SKAP1: variants seen among roughly 807,000 people sequenced by gnomAD.
SKAP1 encodes src kinase associated phosphoprotein 1, also known as src kinase-associated phosphoprotein 1.
Under a neutral mutation model 58.5 loss-of-function variants are expected in SKAP1, and 44 were observed. The ratio of observed to expected loss-of-function variants is 0.75; its 90% CI spans 0.59 to 0.97. SKAP1 has a LOEUF of 0.97. Among genes scored for constraint, SKAP1 ranks in the 50% least tolerant of loss-of-function variants. The pLI, the probability that SKAP1 is intolerant of heterozygous loss-of-function variation, is 0.00. For missense variants in SKAP1, 390 were observed against 435.2 expected, an observed-to-expected ratio of 0.90 and a Z score of 0.92; for synonymous variants, 127 against 149.7, an observed-to-expected ratio of 0.85 and a Z score of 1.11.
intron 11 of SKAP1, among the ~76,000 whole-genome samples, chr17:48,141,205 G>A (rs771755952): frequency 1.3e-5 from 2 of 151,908 alleles, no homozygotes; most frequent in Non-Finnish European, 2.9e-5. Context: ...TGTAGCTATC[G>A]TCTCACGTGA....
intron 2 of SKAP1, among the ~76,000 whole-genome samples, chr17:48,388,592 C>A (rs1204633481): frequency 6.6e-6 from 1 of 152,150 alleles, no homozygotes; most frequent in Non-Finnish European, 1.5e-5. Flanking sequence ...TCCTTCCATC[C>A]ATATTATTTT....
chr17:48,304,478 T>C (rs1303801609), intron 4 of SKAP1, among the ~76,000 whole-genome samples: 1 of 152,198 alleles, frequency 6.6e-6, no homozygotes, highest in Admixed American at 6.5e-5. Context: ...TGTAGAATTG[T>C]GTAGAAGACA....
chr17:48,272,519 G>T (rs1396219149), intron 4 of SKAP1, among the ~76,000 whole-genome samples: 1 of 152,030 alleles, frequency 6.6e-6, no homozygotes, highest in Non-Finnish European at 1.5e-5. Context: ...TAGGGACAAA[G>T]AACTATCTAA....
chr17:48,289,407 C>T (rs1260837088), intron 4 of SKAP1, among the ~76,000 whole-genome samples: 1 of 152,158 alleles, frequency 6.6e-6, no homozygotes, highest in South Asian at 2.1e-4. Context: ...AAATTTTGCA[C>T]TGTACTGTTT....
At chr17:48,227,756 T>C (rs896021479) in intron 4 of SKAP1, among the ~76,000 whole-genome samples, 1 of 152,212 alleles carries the variant, frequency 6.6e-6, no homozygotes, top group East Asian at 1.9e-4. Flanking sequence ...GTGAAGAACA[T>C]GGACTCTGCA....
intron 4 of SKAP1, among the ~76,000 whole-genome samples, chr17:48,320,313 A>G (rs2066345191): frequency 1.3e-5 from 2 of 152,210 alleles, no homozygotes; most frequent in Admixed American, 1.3e-4. Flanking sequence ...GGTATAATAA[A>G]TCAGTAATAT....
intron 10 of SKAP1, among the ~76,000 whole-genome samples, chr17:48,165,294 T>A (rs1226028676): frequency 6.6e-6 from 1 of 152,186 alleles, no homozygotes; most frequent in Non-Finnish European, 1.5e-5. Context: ...GCCCAGAGTC[T>A]GCAGGGCTAG....
At chr17:48,184,581 C>T in intron 7 of SKAP1, 142 bp downstream of exon 7, 1 of 1,046,542 alleles carries the variant, frequency 9.6e-7, no homozygotes, top group Non-Finnish European at 1.5e-6. Context: ...TGAGGACATG[C>T]CAAGAAATAG....
At chr17:48,269,108 T>C (rs568203144) in intron 4 of SKAP1, among the ~76,000 whole-genome samples, 1 of 152,120 alleles carries the variant, frequency 6.6e-6, no homozygotes, top group Admixed American at 6.5e-5. Context: ...TTGAAGAGAA[T>C]AGTAATTTGG....
chr17:48,256,093 C>T (rs185111726), intron 4 of SKAP1, among the ~76,000 whole-genome samples: 2 of 152,116 alleles, frequency 1.3e-5, no homozygotes, highest in African/African-American at 2.4e-5. Context: ...GCATGGTTTC[C>T]TCCTTCCTTG....
intron 6 of SKAP1, among the ~76,000 whole-genome samples, chr17:48,186,220 G>A (rs973540667): frequency 1.3e-5 from 2 of 152,168 alleles, no homozygotes; most frequent in African/African-American, 4.8e-5. Context: ...GTGGTTGCTG[G>A]GTTGGAGAGT....
intron 2 of SKAP1, among the ~76,000 whole-genome samples, chr17:48,378,877 A>C (rs1026082575): frequency 1.3e-5 from 2 of 152,104 alleles, no homozygotes; most frequent in Non-Finnish European, 2.9e-5. Context: ...TCAGTATGAG[A>C]CTCATTCAGT....
chr17:48,257,628 C>CTTTTTTTTTTTTTTTTTTTTGTTT (rs2065438880), intron 4 of SKAP1, among the ~76,000 whole-genome samples: 1 of 111,150 alleles, frequency 9.0e-6, no homozygotes, highest in African/African-American at 3.2e-5. Context: ...TTCTTTCTTT[C>CTTTTTTTTTTTTTTTTTTTTGTTT]TTTTTTTTTT....
intron 3 of SKAP1, among the ~76,000 whole-genome samples, chr17:48,356,425 G>C (rs1024640196): frequency 4.6e-5 from 7 of 152,098 alleles, no homozygotes; most frequent in African/African-American, 1.7e-4. Context: ...AGTATGCCCA[G>C]AGCAAAACCT....
At chr17:48,236,796 A>AT (rs1235293235) in intron 4 of SKAP1, among the ~76,000 whole-genome samples, 1 of 152,230 alleles carries the variant, frequency 6.6e-6, no homozygotes, top group Non-Finnish European at 1.5e-5. Flanking sequence ...GTCATTTAGT[A>AT]TATCTGTAGA....
chr17:48,264,745 AACACACACACAC>A (rs55733017), intron 4 of SKAP1, among the ~76,000 whole-genome samples: 225 of 142,858 alleles, frequency 1.6e-3, no homozygotes, highest in Non-Finnish European at 2.6e-3. Context: ...AAATCTACAA[AACACACACACAC>A]ACACACACAC....
At chr17:48,266,133 T>C (rs2065546275) in intron 4 of SKAP1, among the ~76,000 whole-genome samples, 1 of 151,734 alleles carries the variant, frequency 6.6e-6, no homozygotes, top group Non-Finnish European at 1.5e-5. Context: ...CACCCACACC[T>C]ACACACACCC....
At chr17:48,366,595 A>G (rs909197816) in intron 2 of SKAP1, among the ~76,000 whole-genome samples, 23 of 152,184 alleles carry the variant, frequency 1.5e-4, no homozygotes, top group Admixed American at 1.3e-4. Flanking sequence ...TGTGAATAAT[A>G]GTATGATGGG....
chr17:48,250,370 C>T (rs2065349934), intron 4 of SKAP1, among the ~76,000 whole-genome samples: 1 of 145,150 alleles, frequency 6.9e-6, no homozygotes, highest in South Asian at 2.3e-4. Flanking sequence ...CAACCTCTGC[C>T]TCCTGGGTTC....
Sources: gnomAD v4.1 joint callset for allele counts (sites outside exome capture counted in the v4.1 genomes callset) on GRCh38, gnomAD v4.1.1 for gene constraint, MANE v1.5 for transcripts, NCBI Gene and HGNC (gene_info 2026-07-23, HGNC 2026-07-21) for gene names.